Variants in RBFOX1 observed in about 807,000 individuals in gnomAD.
RBFOX1 encodes RNA binding protein fox-1 homolog 1.
Under a neutral mutation model 57.7 loss-of-function variants are expected in RBFOX1, and 8 were observed. The observed-to-expected ratio is 0.14, with a 90% confidence interval of 0.08 to 0.25. RBFOX1 has a LOEUF of 0.25. Ranked by LOEUF, RBFOX1 falls within the 10% of genes least tolerant of loss-of-function variation. RBFOX1 has a pLI of 1.00. For missense variants in RBFOX1, 611 were observed against 548.5 expected, an observed-to-expected ratio of 1.11 and a Z score of -1.14; for synonymous variants, 326 against 222.4, an observed-to-expected ratio of 1.47 and a Z score of -4.15.
intron 4 of RBFOX1, among the ~76,000 whole-genome samples, chr16:7,132,461 C>G (rs1213966185): frequency 6.8e-6 from 1 of 146,166 alleles, no homozygotes; most frequent in African/African-American, 2.7e-5. Flanking sequence ...CACACACACA[C>G]ACACACACAC....
At chr16:5,420,279 G>A (rs1266415948) in intron 1 of RBFOX1, among the ~76,000 whole-genome samples, 1 of 152,156 alleles carries the variant, frequency 6.6e-6, no homozygotes, top group Non-Finnish European at 1.5e-5. Flanking sequence ...TAGGTAACCA[G>A]GGAATAGTAA....
chr16:6,141,264 C>T (rs1040249654), intron 1 of RBFOX1, among the ~76,000 whole-genome samples: 1 of 152,180 alleles, frequency 6.6e-6, no homozygotes, highest in African/African-American at 2.4e-5. Flanking sequence ...CCCTTCTAAT[C>T]CTCCCTAACA....
At chr16:6,355,251 A>G (rs1274238912) in intron 2 of RBFOX1, among the ~76,000 whole-genome samples, 2 of 152,208 alleles carry the variant, frequency 1.3e-5, no homozygotes, top group East Asian at 3.9e-4. Flanking sequence ...CATCACCTAC[A>G]TTAGATATTT....
chr16:6,556,176 G>A (rs1439503877), intron 2 of RBFOX1, among the ~76,000 whole-genome samples: 1 of 152,066 alleles, frequency 6.6e-6, no homozygotes, highest in South Asian at 2.1e-4. Flanking sequence ...TTTAAACGTG[G>A]GCGGCATTGA....
chr16:6,528,206 A>G (rs2096608348), intron 2 of RBFOX1, among the ~76,000 whole-genome samples: 1 of 152,118 alleles, frequency 6.6e-6, no homozygotes, highest in Non-Finnish European at 1.5e-5. Flanking sequence ...CCCTGCTCAT[A>G]GTAGTTGCTC....
At chr16:7,020,675 ACTGT>A in intron 3 of RBFOX1, among the ~76,000 whole-genome samples, 1 of 152,312 alleles carries the variant, frequency 6.6e-6, no homozygotes, top group Non-Finnish European at 1.5e-5. Context: ...GACATTGGAC[ACTGT>A]CTGTGTCATC....
chr16:5,390,282 T>C (rs201367722), intron 1 of RBFOX1, among the ~76,000 whole-genome samples: 12 of 52,126 alleles, frequency 2.3e-4, no homozygotes, highest in Non-Finnish European at 2.4e-4. Flanking sequence ...GAAAAGTAGT[T>C]TTTTTTTTCT....
At chr16:6,940,015 G>A (rs944559446) in intron 3 of RBFOX1, among the ~76,000 whole-genome samples, 1 of 152,150 alleles carries the variant, frequency 6.6e-6, no homozygotes, top group Non-Finnish European at 1.5e-5. Context: ...AAAAGGCACA[G>A]GTCAGCCTGG....
intron 4 of RBFOX1, among the ~76,000 whole-genome samples, chr16:5,955,358 A>AGT (rs1203680505): frequency 1.5e-3 from 32 of 20,856 alleles, no homozygotes; most frequent in Admixed American, 1.7e-3. Flanking sequence ...AAATAAATAA[A>AGT]AATAAAATAA....
intron 3 of RBFOX1, among the ~76,000 whole-genome samples, chr16:6,914,433 G>T (rs529613260): frequency 6.6e-6 from 1 of 152,258 alleles, no homozygotes; most frequent in African/African-American, 2.4e-5. Flanking sequence ...AAAGACAGTA[G>T]TAAAGGAGGT....
chr16:6,792,763 G>T (rs1048417009), intron 3 of RBFOX1, among the ~76,000 whole-genome samples: 1 of 152,186 alleles, frequency 6.6e-6, no homozygotes, highest in African/African-American at 2.4e-5. Flanking sequence ...CGGCATGGTG[G>T]CTCACGCCTG....
intron 2 of RBFOX1, among the ~76,000 whole-genome samples, chr16:6,547,341 T>C (rs1166360528): frequency 1.3e-5 from 2 of 152,212 alleles, no homozygotes; most frequent in South Asian, 2.1e-4. Context: ...ACTTATTTTC[T>C]ATACAAATGA....
intron 5 of RBFOX1, among the ~76,000 whole-genome samples, chr16:7,563,531 G>C (rs932468927): frequency 7.2e-5 from 11 of 152,084 alleles, no homozygotes; most frequent in African/African-American, 2.7e-4. Flanking sequence ...GCAATGGCAC[G>C]ATCTCTGCTC....
At chr16:5,893,738 A>G (rs1439536389) in intron 4 of RBFOX1, among the ~76,000 whole-genome samples, 1 of 151,994 alleles carries the variant, frequency 6.6e-6, no homozygotes. Flanking sequence ...CCCAGGAAGC[A>G]GAGGTTGCAG....
chr16:5,402,472 A>G (rs2066743197), intron 1 of RBFOX1, among the ~76,000 whole-genome samples: 1 of 152,186 alleles, frequency 6.6e-6, no homozygotes, highest in South Asian at 2.1e-4. Flanking sequence ...TGACATATGT[A>G]CCATCTGGTA....
chr16:7,704,704 G>C (rs1287542909), intron 14 of RBFOX1, among the ~76,000 whole-genome samples: 1 of 152,152 alleles, frequency 6.6e-6, no homozygotes, highest in East Asian at 1.9e-4. Flanking sequence ...GATTATTAGA[G>C]TTGCTATACA....
rs190314721 is a variant in RBFOX1 at position 6,140,809 on chromosome 16, C to T, written c.-127+120817C>T. ...TCATTTCTTCAAGCTGTGTTTCCTTCTCACTTCTGAAAAAAGAGCAATCTG... is the reference window on the plus strand; with the variant it reads ...TCATTTCTTCAAGCTGTGTTTCCTTTTCACTTCTGAAAAAAGAGCAATCTG... On this transcript the variant is annotated intron_variant, in intron 1 of 15. Transcript: ENST00000550418. 1.1e-4 allele frequency among the ~76,000 whole-genome samples: 17 copies of T among 152,316 alleles called. No homozygotes were observed. In the East Asian group the frequency reaches 3.1e-3, roughly 28 times the overall value.
intron 2 of RBFOX1, among the ~76,000 whole-genome samples, chr16:6,583,445 G>A (rs1374762566): frequency 6.6e-6 from 1 of 152,228 alleles, no homozygotes; most frequent in Non-Finnish European, 1.5e-5. Context: ...TTTTGGGGGA[G>A]CATCTCACAC....
intron 3 of RBFOX1, among the ~76,000 whole-genome samples, chr16:6,699,649 A>C (rs1043496333): frequency 2.0e-5 from 3 of 152,186 alleles, no homozygotes; most frequent in African/African-American, 7.2e-5. Context: ...CTCATCTGTC[A>C]ACCAGCCCCT....
Sources: gnomAD v4.1 joint callset for allele counts (sites outside exome capture counted in the v4.1 genomes callset) on GRCh38, gnomAD v4.1.1 for gene constraint, MANE v1.5 for transcripts, NCBI Gene and HGNC (gene_info 2026-07-23, HGNC 2026-07-21) for gene names.